Variants in SLC30A10 observed in about 807,000 individuals in gnomAD.
SLC30A10 encodes solute carrier family 30 member 10, also known as calcium/manganese antiporter SLC30A10.
In SLC30A10, 8 loss-of-function variants were observed where a neutral mutation model predicts 21.7. That is an observed-to-expected ratio of 0.37 (90% CI 0.22 to 0.67). SLC30A10 has a LOEUF of 0.67. Among genes scored for constraint, SLC30A10 ranks in the 30% least tolerant of loss-of-function variants. The pLI is 0.58. For missense variants in SLC30A10, 521 were observed against 642.5 expected (o/e 0.81, Z 2.04); for synonymous variants, 272 against 279.4 (o/e 0.97, Z 0.26).
intron 1 of SLC30A10, among the ~76,000 whole-genome samples, chr1:219,937,358 T>C (rs1474327838): frequency 6.6e-6 from 1 of 152,208 alleles, no homozygotes; most frequent in East Asian, 1.9e-4. Flanking sequence ...ATGCAAATTT[T>C]TATCATCATT....
At position 219,918,585 on chromosome 1, in the gene SLC30A10, G is replaced by A; in HGVS notation, c.719-91C>T. On this transcript the variant is annotated intron_variant, in intron 2 of 3. Coordinates refer to ENST00000366926, the MANE Select transcript of SLC30A10 (RefSeq NM_018713.3). This position sits in a 1 kb window ranked among gnomAD's most constrained non-coding sequence, Gnocchi z 4.4. The stretch of plus-strand genomic sequence containing the variant: ...TGGGTGTCCGGGTATATGAATATCT[G>A]TTACCATTTGGAGTTTTTTGGTTTT... The A allele has an allele frequency of 6.8e-7, 1 of 1,476,276 alleles. No individual in the cohort carries two copies. Among genetic ancestry groups the A allele is most frequent in the South Asian group, 1.4e-5 (1 of 71,846 alleles). The allele number at this position is 1,476,276 out of a possible 1,614,324, so 91.4% of individuals were successfully genotyped here.
chr1:219,923,376 C>T (rs1293474225), intron 2 of SLC30A10, among the ~76,000 whole-genome samples: 1 of 152,190 alleles, frequency 6.6e-6, no homozygotes, highest in African/African-American at 2.4e-5. Flanking sequence ...GGGCATATAA[C>T]ATAAATTGGC....
intron 1 of SLC30A10, among the ~76,000 whole-genome samples, chr1:219,957,769 T>C (rs1446645341): frequency 6.6e-6 from 1 of 152,120 alleles, no homozygotes; most frequent in Non-Finnish European, 1.5e-5. Flanking sequence ...CATATATACT[T>C]ACAAACACCT....
At chr1:219,937,537 A>G (rs1660062551) in intron 1 of SLC30A10, among the ~76,000 whole-genome samples, 1 of 152,242 alleles carries the variant, frequency 6.6e-6, no homozygotes, top group Non-Finnish European at 1.5e-5. Context: ...TGATGAGGCC[A>G]GGCACAGTGG....
At chr1:219,937,581 A>T (rs1018321682) in intron 1 of SLC30A10, among the ~76,000 whole-genome samples, 16 of 152,204 alleles carry the variant, frequency 1.1e-4, no homozygotes, top group African/African-American at 3.6e-4. Flanking sequence ...TTGGGATGCC[A>T]AGGCGGGCGG....
chr1:219,929,073 C>G (rs935794322), upstream of SLC30A10, among the ~76,000 whole-genome samples: 3 of 152,234 alleles, frequency 2.0e-5, no homozygotes, highest in African/African-American at 7.2e-5. Context: ...CTTTTCATTT[C>G]GTGAAATGTG....
At chr1:219,943,637 A>G (rs1660147702) in intron 1 of SLC30A10, among the ~76,000 whole-genome samples, 1 of 152,204 alleles carries the variant, frequency 6.6e-6, no homozygotes, top group South Asian at 2.1e-4. Context: ...AATGTTACAA[A>G]TTTTCTGGCA....
chr1:219,934,231 T>C (rs1026731267), intron 1 of SLC30A10, among the ~76,000 whole-genome samples: 2 of 152,048 alleles, frequency 1.3e-5, no homozygotes, highest in Non-Finnish European at 2.9e-5. Flanking sequence ...GAGCTGGCAG[T>C]GAGCCGAGAT....
intron 2 of SLC30A10, among the ~76,000 whole-genome samples, chr1:219,925,458 T>C (rs1659791748): frequency 6.6e-6 from 1 of 150,412 alleles, no homozygotes; most frequent in South Asian, 2.1e-4. Context: ...CACTTGAACC[T>C]GGTAGGCAGA....
intron 1 of SLC30A10, among the ~76,000 whole-genome samples, chr1:219,948,459 G>C (rs11805648): frequency 2.0e-5 from 3 of 152,032 alleles, no homozygotes; most frequent in East Asian, 3.9e-4. Flanking sequence ...ATAATGCCAC[G>C]TATCTACAAC....
chr1:219,954,518 A>G (rs1016426138), intron 1 of SLC30A10, among the ~76,000 whole-genome samples: 2 of 151,882 alleles, frequency 1.3e-5, no homozygotes, highest in African/African-American at 4.8e-5. Flanking sequence ...CATTTCTACT[A>G]AAAATACAAA....
In SLC30A10 at chr1:219,918,666, ACAAAAC is replaced by A. The variant is rs1659606221; in HGVS notation, c.719-178_719-173del. 1 of 709,926 alleles carries A rather than the reference ACAAAAC, an allele frequency of 1.4e-6. No homozygotes were observed. The allele number at this position is 709,926 out of a possible 1,614,324, so 44.0% of individuals were successfully genotyped here. On this transcript the variant is annotated intron_variant, in intron 2 of 3. Coordinates refer to ENST00000366926, the MANE Select transcript of SLC30A10 (RefSeq NM_018713.3). The surrounding 1 kb of genome is among the most constrained non-coding windows in gnomAD (Gnocchi z 4.4). Reference sequence around the variant, plus strand: ...AATAATGGCAACTACTTCTTAGGAAACAAAACCCCAGGCCACCATCGCAGGACTCAG... The same window carrying A: ...AATAATGGCAACTACTTCTTAGGAAACCCAGGCCACCATCGCAGGACTCAG...
At chr1:219,946,285 T>TA (rs535851578) in intron 1 of SLC30A10, among the ~76,000 whole-genome samples, 13 of 152,170 alleles carry the variant, frequency 8.5e-5, no homozygotes, top group Non-Finnish European at 1.6e-4. Context: ...CTAGTATACT[T>TA]ACTCTTCTAA....
chr1:219,958,650 C>T (rs145861669), upstream of SLC30A10: 1 of 152,796 alleles, frequency 6.5e-6, no homozygotes, highest in African/African-American at 2.4e-5. Context: ...CATTGAAGAA[C>T]AGACCGATAA....
rs1372713688 is a variant in SLC30A10, at chr1:219,914,708, G to C, written c.*741C>G. The C allele has an allele frequency of 6.6e-6, 1 of 152,134 alleles. No homozygotes were observed. The highest frequency in any genetic ancestry group is 1.5e-5 in the Non-Finnish European group (1 of 68,018). 9.4% of individuals were successfully genotyped at this position (152,134 alleles called of 1,614,324 possible). ...TATGAGTATTTGTGTCATACTTCAG[G>C]AAACTGAAATATTCCCTCACTTCCA... On this transcript the variant is annotated 3_prime_UTR_variant, in exon 4 of 4. Transcript: ENST00000366926.
intron 1 of SLC30A10, among the ~76,000 whole-genome samples, chr1:219,954,311 G>A (rs1161845678): frequency 6.6e-6 from 1 of 151,964 alleles, no homozygotes; most frequent in East Asian, 1.9e-4. Context: ...CGAGTTGGTT[G>A]GAGAAACATA....
upstream of SLC30A10, among the ~76,000 whole-genome samples, chr1:219,929,823 A>G (rs1344562407): frequency 1.3e-5 from 2 of 152,168 alleles, no homozygotes; most frequent in African/African-American, 4.8e-5. Flanking sequence ...CACCTGGCCA[A>G]GACTCTTCTA....
intron 1 of SLC30A10, among the ~76,000 whole-genome samples, chr1:219,941,835 T>G (rs1220291012): frequency 1.3e-5 from 2 of 152,200 alleles, no homozygotes; most frequent in Non-Finnish European, 2.9e-5. Context: ...GCAAGAATGT[T>G]TTCAATGTCA....
intron 1 of SLC30A10, among the ~76,000 whole-genome samples, chr1:219,953,384 C>G (rs536765842): frequency 1.3e-5 from 2 of 151,860 alleles, no homozygotes; most frequent in African/African-American, 4.8e-5. Flanking sequence ...ATCATGAGGT[C>G]AGGAGATCGA....
Sources: allele counts gnomAD v4.1 joint callset (sites outside exome capture counted in the v4.1 genomes callset), GRCh38; gene constraint gnomAD v4.1.1; non-coding constraint Gnocchi (gnomAD v3.1); transcripts MANE v1.5; gene names NCBI Gene and HGNC (gene_info 2026-07-23, HGNC 2026-07-21).